GNMT: variants seen among roughly 807,000 people sequenced by gnomAD.
GNMT encodes the protein epididymis secretory sperm binding protein Li 182mP.
In GNMT, 26 loss-of-function variants were observed where a neutral mutation model predicts 30.2. The observed-to-expected ratio is 0.86, with a 90% CI of 0.63 to 1.19. The LOEUF (loss-of-function observed/expected upper bound fraction) is 1.19, where lower values mean the gene tolerates loss of function less well. Ranked by LOEUF, GNMT falls within the 50% of genes most tolerant of loss-of-function variation. The pLI is 0.00. For missense variants in GNMT, 365 were observed against 398.1 expected (o/e 0.92, Z 0.71); for synonymous variants, 163 against 163.8 (o/e 1.00, Z 0.04).
At position 42,962,197 on chromosome 6, in the gene GNMT, G is replaced by C; in HGVS notation, c.207-15G>C. The C allele has an allele frequency of 1.2e-6, 2 of 1,613,980 alleles. No individual in the cohort carries two copies. Among genetic ancestry groups the C allele is most frequent in the Non-Finnish European group, 1.7e-6 (2 of 1,179,970 alleles). The stretch of plus-strand genomic sequence containing the variant: ...TAACTGCCTCTCTCTGCCTCTCCTC[G>C]CTGGCCGTACTCAGGGTGGACTCCA... On this transcript the variant is annotated splice_polypyrimidine_tract_variant and intron_variant, in intron 1 of 5. Coordinates refer to ENST00000372808, the MANE Select transcript of GNMT (RefSeq NM_018960.6).
In GNMT at chr6:42,960,957, G is replaced by A. The variant is rs1048909768; in HGVS notation, c.190G>A (p.Val64Ile). Residue 64 changes from valine (V) to isoleucine (I), a missense_variant, in exon 1 of 6, where the codon GTA (valine) becomes ATA (isoleucine). Physicochemically the swap from Val to Ile is conservative, Grantham distance 29 (BLOSUM62 3). Transcript: ENST00000372808. ...RQHGCQRVLD[V>I]ACGTGVDSIM... is the part of the protein sequence containing the mutation. The stretch of plus-strand genomic sequence containing the variant: ...GCACGGCTGCCAGCGGGTGCTCGAC[G>A]TAGCCTGTGGCACTGGGTGAGCCCA... 1.9e-6 allele frequency: 3 copies of A among 1,560,380 alleles called. No homozygotes were observed. Among genetic ancestry groups the A allele is most frequent in the Non-Finnish European group, 2.6e-6 (3 of 1,159,092 alleles).
chr6:42,961,122 C>A (rs1335903262), intron 1 of GNMT, 149 bp downstream of exon 1: 3 of 684,876 alleles, frequency 4.4e-6, no homozygotes, highest in Non-Finnish European at 7.1e-6. Flanking sequence ...GGAGCAGGTA[C>A]CTGCCCGGCA....
intron 2 of GNMT, 49 bp downstream of exon 2, chr6:42,962,388 T>C (rs1440171140): frequency 6.2e-7 from 1 of 1,605,906 alleles, no homozygotes; most frequent in Non-Finnish European, 8.5e-7. Flanking sequence ...AGGAACACTG[T>C]TCATTCTGCC....
chr6:42,963,474 A>G, intron 5 of GNMT, 25 bp downstream of exon 5: 1 of 1,612,932 alleles, frequency 6.2e-7, no homozygotes, highest in East Asian at 2.2e-5. Context: ...AGTGGGGGTG[A>G]GGCGGTAGTT....
chr6:42,963,771 C>G lies in GNMT; in HGVS notation c.*65C>G. 1 of 1,509,364 alleles carries G rather than the reference C, an allele frequency of 6.6e-7. No homozygotes were observed. The highest frequency in any genetic ancestry group is 9.2e-7 in the Non-Finnish European group (1 of 1,088,026). The allele number at this position is 1,509,364 out of a possible 1,614,324, so 93.5% of individuals were successfully genotyped here. On this transcript the variant is annotated 3_prime_UTR_variant, in exon 6 of 6. Coordinates refer to ENST00000372808, the MANE Select transcript of GNMT (RefSeq NM_018960.6). ...CTAGGCTCTGTCTGGAAGATGGGGACCAGCAGCCCCACACCAGGGCCAGCC... is the reference window on the plus strand; with the variant it reads ...CTAGGCTCTGTCTGGAAGATGGGGAGCAGCAGCCCCACACCAGGGCCAGCC...
intron 4 of GNMT, 42 bp from the exon 5 acceptor site, chr6:42,963,286 G>A (rs1220090770): frequency 3.8e-6 from 6 of 1,576,436 alleles, no homozygotes; most frequent in Middle Eastern, 1.9e-4. Flanking sequence ...TGGCCCCAAG[G>A]TGGGTTACAG....
intron 1 of GNMT, among the ~76,000 whole-genome samples, 182 bp downstream of exon 1, chr6:42,961,155 G>A (rs1769365081): frequency 6.6e-6 from 1 of 152,228 alleles, no homozygotes; most frequent in South Asian, 2.1e-4. Flanking sequence ...CGAGTGCCCC[G>A]TGAGGCTAGG....
chr6:42,962,442 C>T lies in GNMT; in HGVS notation c.334+103C>T, dbSNP rs1561815686. 10 of 1,258,576 alleles carry T rather than the reference C, an allele frequency of 7.9e-6. No individual in the cohort carries two copies. In the Admixed American group the frequency reaches 1.1e-4, roughly 14 times the overall value. 78.0% of individuals were successfully genotyped at this position (1,258,576 alleles called of 1,614,324 possible). A position where few individuals can be genotyped will look rare whatever the true frequency, so the allele number is the denominator to read the frequency against. ...GGGCGGGGGTGGAGTGTTGTGTTTT[C>T]CTCGGGGAGACAGAAAAATTACTGT... On this transcript the variant is annotated intron_variant, in intron 2 of 5. Coordinates refer to ENST00000372808, the MANE Select transcript of GNMT (RefSeq NM_018960.6).
At chr6:42,962,169 C>CCCTAACTG (rs1433281114) in intron 1 of GNMT, 43 bp from the exon 2 acceptor site, 1 of 1,613,624 alleles carries the variant, frequency 6.2e-7, no homozygotes, top group East Asian at 2.2e-5. Context: ...TCCCAGGCTC[C>CCCTAACTG]CCTAACTGCC....
At chr6:42,962,107 G>A in intron 1 of GNMT, 105 bp from the exon 2 acceptor site, 1 of 1,294,510 alleles carries the variant, frequency 7.7e-7, no homozygotes, top group Non-Finnish European at 1.1e-6. Flanking sequence ...CAGAGGAACG[G>A]ACTCTGAGAA....
At position 42,963,629 on chromosome 6, in the gene GNMT, G is replaced by C. The variant is rs1253897479; in HGVS notation, c.811G>C (p.Gly271Arg). The C allele has an allele frequency of 2.5e-6, 4 of 1,614,064 alleles. No individual in the cohort carries two copies. In the South Asian group the frequency reaches 4.4e-5, roughly 18 times the overall value. Residue 271 changes from glycine (G) to arginine (R), a missense_variant, in exon 6 of 6, where the codon GGC (glycine) becomes CGC (arginine). Transcript: ENST00000372808. ...AGGTAAGTGCCAGCACAGCGTCCTG[G>C]GCGACTTCAAGCCTTACAAGCCAGG... is the stretch of plus-strand genomic sequence containing the variant. ...FGGKCQHSVL[G>R]DFKPYKPGQT... is the part of the protein sequence containing the mutation.
At position 42,960,808 on chromosome 6, in the gene GNMT, C is replaced by T. The variant is rs759988463; in HGVS notation, c.41C>T (p.Ala14Val). ...SVYRTRSLGV[A>V]AEGLPDQYAD... ...TACCGGACCCGCTCCCTGGGGGTGGCGGCCGAAGGGCTCCCGGACCAGTAC... is the reference window on the plus strand; with the variant it reads ...TACCGGACCCGCTCCCTGGGGGTGGTGGCCGAAGGGCTCCCGGACCAGTAC... The change falls in exon 1 of 6, where the codon GCG becomes GTG. Residue 14 changes from alanine (A) to valine (V), a missense_variant. Transcript: ENST00000372808. 31 of 1,554,304 alleles carry T rather than the reference C, an allele frequency of 2.0e-5. No individual in the cohort carries two copies. Among genetic ancestry groups the T allele is most frequent in the Non-Finnish European group, 2.7e-5 (31 of 1,151,652 alleles).
chr6:42,961,279 A>G (rs758426407), intron 1 of GNMT, among the ~76,000 whole-genome samples: 10 of 152,212 alleles, frequency 6.6e-5, no homozygotes, highest in Non-Finnish European at 1.3e-4. Flanking sequence ...AGCCACGGAC[A>G]GATTGCAAAT....
Position 42,963,211 on chromosome 6 carries a change from T to A in GNMT, c.591T>A (p.Tyr197Ter), listed in dbSNP as rs746799680. 61 of 1,266,066 alleles carry A rather than the reference T, an allele frequency of 4.8e-5. No homozygotes were observed. Among genetic ancestry groups the A allele is most frequent in the Non-Finnish European group, 6.2e-5 (61 of 978,032 alleles). The allele number at this position is 1,266,066 out of a possible 1,614,324, so 78.4% of individuals were successfully genotyped here. Residue 197 changes from tyrosine (Y) to a stop codon, truncating the protein, a stop_gained, in exon 4 of 6, where the codon TAT becomes TAA. Coordinates refer to ENST00000372808, the MANE Select transcript of GNMT (RefSeq NM_018960.6). LOFTEE classifies it high-confidence loss of function. ...CACCCCCAGGGAAGAACATCTACTA[T>A]AAGGTGGGGCCCTCTGGGGTGGGGG... Reference protein sequence around the residue: ...GCAPPGKNIYYKSDLTKDVTT... With the variant: ...GCAPPGKNIY
In GNMT at chr6:42,963,555, AC is replaced by A; in HGVS notation, c.740del (p.Pro247HisfsTer64). ...PGLSKFRLSY[Y>X]PHCLASFTEL... ...TACAGTAAGTTCCGGCTCTCCTACT[AC>A]CCACACTGTCTGGCATCCTTCACGG... On this transcript the variant is annotated frameshift_variant, in exon 6 of 6. Coordinates refer to ENST00000372808, the MANE Select transcript of GNMT (RefSeq NM_018960.6). LOFTEE classifies it high-confidence loss of function. The A allele has an allele frequency of 1.2e-6, 2 of 1,614,100 alleles. No individual in the cohort carries two copies. The highest frequency in any genetic ancestry group is 1.7e-6 in the Non-Finnish European group (2 of 1,179,994).
At position 42,963,338 on chromosome 6, in the gene GNMT, C is replaced by T. The variant is rs1462050155; in HGVS notation, c.605C>T (p.Thr202Ile). The T allele has an allele frequency of 6.2e-7, 1 of 1,611,160 alleles. No individual in the cohort carries two copies. The highest frequency in any genetic ancestry group is 1.3e-5 in the African/African-American group (1 of 74,872). Reference protein sequence around the residue: ...GKNIYYKSDLTKDVTTSVLIV... With the variant: ...GKNIYYKSDLIKDVTTSVLIV... ...CCCCACCACCTACAGAGTGACTTGA[C>T]CAAGGACGTCACAACATCAGTGCTG... The change falls in exon 5 of 6, where the codon ACC (threonine) becomes ATC (isoleucine). Residue 202 changes from threonine (T) to isoleucine (I), a missense_variant. Transcript: ENST00000372808.
chr6:42,963,685 CGTGCTCAAGAGGACAGACTGAGT>C lies in GNMT; in HGVS notation c.871_*5del. 1 of 1,614,152 alleles carries C rather than the reference CGTGCTCAAGAGGACAGACTGAGT, an allele frequency of 6.2e-7. No individual in the cohort carries two copies. The highest frequency in any genetic ancestry group is 8.5e-7 in the Non-Finnish European group (1 of 1,180,002). On this transcript the variant is annotated stop_lost and 3_prime_UTR_variant, in exon 6 of 6. Coordinates refer to ENST00000372808, the MANE Select transcript of GNMT (RefSeq NM_018960.6). Reference sequence around the variant, plus strand: ...CCTACATTCCCTGCTACTTCATCCACGTGCTCAAGAGGACAGACTGAGTGTGGCCTCAGCTCCCACAAGCCTCT... The same window carrying C: ...CCTACATTCCCTGCTACTTCATCCACGTGGCCTCAGCTCCCACAAGCCTCT...
chr6:42,963,848 G>A lies in GNMT; in HGVS notation c.*142G>A. 1 of 769,436 alleles carries A rather than the reference G, an allele frequency of 1.3e-6. No individual in the cohort carries two copies. Among genetic ancestry groups the A allele is most frequent in the Non-Finnish European group, 2.3e-6 (1 of 442,736 alleles). 47.7% of individuals were successfully genotyped at this position (769,436 alleles called of 1,614,324 possible). On this transcript the variant is annotated 3_prime_UTR_variant, in exon 6 of 6. Coordinates refer to ENST00000372808, the MANE Select transcript of GNMT (RefSeq NM_018960.6). ...AGGGATGTGGGTTCCACAGACGGAA[G>A]GGTAAACAATATAGTCTTTTTCAGT...
Position 42,963,412 on chromosome 6 carries a change from G to A in GNMT, c.679G>A (p.Val227Met), listed in dbSNP as rs1261523071. The A allele has an allele frequency of 5.0e-6, 8 of 1,613,922 alleles. No homozygotes were observed. Among genetic ancestry groups the A allele is most frequent in the Admixed American group, 3.3e-5 (2 of 59,978 alleles). Reference protein sequence around the residue: ...HMVTLDYTVQVPGAGQDGSPG... With the variant: ...HMVTLDYTVQMPGAGQDGSPG... ...GGTGACCCTGGACTATACGGTGCAG[G>A]TGCCGGGGGCTGGCCAGGATGGCTC... The change falls in exon 5 of 6, where the codon GTG becomes ATG. Residue 227 changes from valine to methionine, a missense_variant. Val to Met is a conservative substitution (Grantham distance 21). Around this residue, in one of 3 missense-constraint regions of GNMT, gnomAD observed 232 missense variants for 263.0 expected, o/e 0.88. Coordinates refer to ENST00000372808, the MANE Select transcript of GNMT (RefSeq NM_018960.6).
Sources: allele counts gnomAD v4.1 joint callset (sites outside exome capture counted in the v4.1 genomes callset), GRCh38; gene constraint gnomAD v4.1.1; regional missense constraint gnomAD v4.1.1; transcripts MANE v1.5; gene names NCBI Gene and HGNC (gene_info 2026-07-23, HGNC 2026-07-21).